Variants in ARHGAP21 observed in about 807,000 individuals in gnomAD.
ARHGAP21 encodes rho GTPase-activating protein 21.
ARHGAP21 carries 38 observed loss-of-function variants against 164.6 expected under a neutral mutation model. The observed-to-expected ratio is 0.23, with a 90% confidence interval of 0.18 to 0.30. The LOEUF (loss-of-function observed/expected upper bound fraction) is 0.30. Ranked by LOEUF, ARHGAP21 falls within the 10% of genes least tolerant of loss-of-function variation. The pLI is 1.00. For synonymous variants in ARHGAP21, 766 were observed against 857.9 expected, an observed-to-expected ratio of 0.89 and a Z score of 1.87; for missense variants, 1,822 against 2,370.7, an observed-to-expected ratio of 0.77 and a Z score of 4.81.
intron 3 of ARHGAP21, 36 bp downstream of exon 3, chr10:24,670,182 G>A (rs753853769): frequency 1.4e-6 from 2 of 1,430,706 alleles, no homozygotes; most frequent in Non-Finnish European, 1.9e-6. Flanking sequence ...TGGCCTTGTG[G>A]TTTTTTTTTC....
chr10:24,595,447 C>T (rs2076539817), intron 19 of ARHGAP21, among the ~76,000 whole-genome samples: 3 of 152,240 alleles, frequency 2.0e-5, no homozygotes, highest in Non-Finnish European at 4.4e-5. Context: ...ACTGAAAAAA[C>T]ATTTTTCTAC....
chr10:24,606,433 T>C (rs1335536599), intron 11 of ARHGAP21, among the ~76,000 whole-genome samples: 1 of 152,122 alleles, frequency 6.6e-6, no homozygotes, highest in Non-Finnish European at 1.5e-5. Flanking sequence ...GGTGTTCAAC[T>C]GCTAAGTGTC....
At position 24,591,240 on chromosome 10, in the gene ARHGAP21, G is replaced by A. The variant is rs770636947; in HGVS notation, c.4135C>T (p.Pro1379Ser). The A allele has an allele frequency of 1.9e-6, 3 of 1,611,806 alleles. No individual in the cohort carries two copies. The highest frequency in any genetic ancestry group is 1.7e-6 in the Non-Finnish European group (2 of 1,179,578). The change falls in exon 24 of 26, where the codon CCA becomes TCA. Residue 1379 changes from proline (P) to serine (S), a missense_variant. Physicochemically the swap from Pro to Ser is moderately conservative, Grantham distance 74. This residue lies in a region of ARHGAP21 where 333 missense variants were observed against 383.9 expected (regional missense o/e 0.87). Transcript: ENST00000396432. ...LTNIGRTGVS[P>S]GDVSDSATSD... ...CAAGAGTTACCTGATACATCTCCTG[G>A]GGAGACTCCTGTCCTTCCAATGTTG...
chr10:24,674,577 T>G (rs748621230), intron 2 of ARHGAP21, among the ~76,000 whole-genome samples: 1 of 151,984 alleles, frequency 6.6e-6, no homozygotes, highest in Non-Finnish European at 1.5e-5. Context: ...TCCCAGCTAC[T>G]CAGGAGGCTA....
At chr10:24,688,537 G>T (rs1842425833) in intron 2 of ARHGAP21, among the ~76,000 whole-genome samples, 1 of 152,220 alleles carries the variant, frequency 6.6e-6, no homozygotes, top group South Asian at 2.1e-4. Context: ...GGACAGACCA[G>T]TAAGAGAGTA....
chr10:24,675,209 C>T (rs1318627177), intron 2 of ARHGAP21, among the ~76,000 whole-genome samples: 2 of 152,154 alleles, frequency 1.3e-5, no homozygotes, highest in African/African-American at 2.4e-5. Flanking sequence ...AACTGTGACA[C>T]AGCCAAACAA....
intron 4 of ARHGAP21, among the ~76,000 whole-genome samples, chr10:24,660,060 T>A (rs1032765760): frequency 2.0e-5 from 3 of 152,124 alleles, no homozygotes; most frequent in South Asian, 2.1e-4. Context: ...CATTATCATC[T>A]TCATCATCAT....
At chr10:24,695,017 C>T (rs1843031386) in intron 2 of ARHGAP21, among the ~76,000 whole-genome samples, 1 of 98,902 alleles carries the variant, frequency 1.0e-5, no homozygotes. Flanking sequence ...TGCCACCATA[C>T]TCCAGCCTGG....
At chr10:24,626,205 T>A (rs1257977857) in intron 7 of ARHGAP21, among the ~76,000 whole-genome samples, 1 of 152,184 alleles carries the variant, frequency 6.6e-6, no homozygotes, top group Admixed American at 6.5e-5. Context: ...TAACAAAGTA[T>A]CCTGGGTGAT....
At chr10:24,644,525 G>A (rs1376538527) in intron 4 of ARHGAP21, among the ~76,000 whole-genome samples, 14 of 151,818 alleles carry the variant, frequency 9.2e-5, no homozygotes, top group Non-Finnish European at 2.9e-5. Context: ...CCTCCCTTCC[G>A]TCCACTGCAC....
At chr10:24,596,930 G>A in intron 16 of ARHGAP21, 48 bp from the exon 17 acceptor site, 2 of 1,563,420 alleles carry the variant, frequency 1.3e-6, no homozygotes, top group Non-Finnish European at 1.7e-6. Context: ...ATGGAAATGA[G>A]TGTCTAAATC....
At chr10:24,710,813 G>C (rs1844708973) in intron 2 of ARHGAP21, among the ~76,000 whole-genome samples, 1 of 152,116 alleles carries the variant, frequency 6.6e-6, no homozygotes. Flanking sequence ...CAGTAAGAAA[G>C]TAGCTGGTGC....
intron 15 of ARHGAP21, 29 bp from the exon 16 acceptor site, chr10:24,597,612 A>G (rs774705035): frequency 5.0e-6 from 8 of 1,612,578 alleles, no homozygotes; most frequent in Non-Finnish European, 6.8e-6. Context: ...TTTGTTAACA[A>G]TTACAGTAAT....
intron 7 of ARHGAP21, among the ~76,000 whole-genome samples, chr10:24,624,985 T>G (rs1193529750): frequency 7.6e-6 from 1 of 131,820 alleles, no homozygotes; most frequent in Non-Finnish European, 1.5e-5. Flanking sequence ...CAGCTTGTAT[T>G]TTAAAAACTG....
chr10:24,592,630 A>C (rs1262256208), intron 21 of ARHGAP21, among the ~76,000 whole-genome samples: 1 of 152,060 alleles, frequency 6.6e-6, no homozygotes, highest in South Asian at 2.1e-4. Context: ...ACTAAAAATA[A>C]ATTAGTCAGG....
rs1300812557 is a variant in ARHGAP21, at chr10:24,612,148, T to C, written c.2423-4245A>G. Among the ~76,000 whole-genome samples the C allele has an allele frequency of 4.6e-5, 7 of 152,312 alleles. No homozygotes were observed. In the East Asian group the frequency reaches 1.2e-3, roughly 25 times the overall value. Reference sequence around the variant, plus strand: ...ATGTAACTCAGTGAAATTATCAGAATTTTCAGCATAGACCATGGCAGAATA... The same window carrying C: ...ATGTAACTCAGTGAAATTATCAGAACTTTCAGCATAGACCATGGCAGAATA... On this transcript the variant is annotated intron_variant, in intron 9 of 25. Coordinates refer to ENST00000396432, the MANE Select transcript of ARHGAP21 (RefSeq NM_020824.4).
chr10:24,621,072 T>C lies in ARHGAP21; in HGVS notation c.823A>G (p.Ile275Val), dbSNP rs777507472. 1.2e-6 allele frequency: 2 copies of C among 1,614,012 alleles called. No individual in the cohort carries two copies. Among genetic ancestry groups the C allele is most frequent in the South Asian group, 2.2e-5 (2 of 91,078 alleles). The change falls in exon 9 of 26, where the codon ATT (isoleucine) becomes GTT (valine). Residue 275 changes from isoleucine (I) to valine (V), a missense_variant. Ile to Val is a conservative substitution (Grantham distance 29). Coordinates refer to ENST00000396432, the MANE Select transcript of ARHGAP21 (RefSeq NM_020824.4). Reference sequence around the variant, plus strand: ...TCTACAACCTTCTCAGAAGGCACAATGACAGTCCTTACACTTTCATTGCAA... The same window carrying C: ...TCTACAACCTTCTCAGAAGGCACAACGACAGTCCTTACACTTTCATTGCAA... ...CVCNESVRTVIVPSEKVVDLL... is the reference protein window; with the variant it reads ...CVCNESVRTVVVPSEKVVDLL...
chr10:24,679,773 A>T (rs976998126), intron 2 of ARHGAP21, among the ~76,000 whole-genome samples: 1 of 152,248 alleles, frequency 6.6e-6, no homozygotes, highest in African/African-American at 2.4e-5. Flanking sequence ...TTAGAGCACA[A>T]AAGAGTCTTT....
At chr10:24,614,914 C>T (rs559391272) in intron 9 of ARHGAP21, among the ~76,000 whole-genome samples, 14 of 152,028 alleles carry the variant, frequency 9.2e-5, no homozygotes, top group South Asian at 8.3e-4. Flanking sequence ...TGGCCAGGTG[C>T]GGTGGCTCAT....
Sources: allele counts gnomAD v4.1 joint callset (sites outside exome capture counted in the v4.1 genomes callset), GRCh38; gene constraint gnomAD v4.1.1; regional missense constraint gnomAD v4.1.1; transcripts MANE v1.5; gene names NCBI Gene and HGNC (gene_info 2026-07-23, HGNC 2026-07-21).